L3MBTL4: variants seen among roughly 807,000 people sequenced by gnomAD.
The protein encoded by L3MBTL4 is L3MBTL histone methyl-lysine binding protein 4.
In L3MBTL4, 70 loss-of-function variants were observed where a neutral mutation model predicts 84.5. The observed-to-expected ratio is 0.83, with a 90% confidence interval of 0.68 to 1.01. The LOEUF (loss-of-function observed/expected upper bound fraction) is 1.01. Ranked by LOEUF, L3MBTL4 falls within the 50% of genes least tolerant of loss-of-function variation. L3MBTL4 has a pLI of 0.00. For synonymous variants in L3MBTL4, 274 were observed against 259.8 expected, an observed-to-expected ratio of 1.05 and a Z score of -0.52; for missense variants, 715 against 754.8, an observed-to-expected ratio of 0.95 and a Z score of 0.62.
intron 16 of L3MBTL4, among the ~76,000 whole-genome samples, chr18:5,983,684 T>C (rs892694070): frequency 3.9e-5 from 6 of 152,288 alleles, no homozygotes; most frequent in African/African-American, 1.4e-4. Context: ...AGCACAGGAT[T>C]GAGGAGTGAC....
At chr18:6,085,015 G>C (rs2058213420) in intron 15 of L3MBTL4, among the ~76,000 whole-genome samples, 1 of 152,162 alleles carries the variant, frequency 6.6e-6, no homozygotes. Flanking sequence ...TGTAGGTTTG[G>C]ATATGCGAAT....
intron 12 of L3MBTL4, among the ~76,000 whole-genome samples, chr18:6,206,378 CTG>C (rs966683442): frequency 4.6e-5 from 7 of 152,170 alleles, no homozygotes. Context: ...GCATAGAAAA[CTG>C]TGAAACATTC....
At chr18:6,050,620 G>C (rs1397440351) in intron 16 of L3MBTL4, among the ~76,000 whole-genome samples, 1 of 152,128 alleles carries the variant, frequency 6.6e-6, no homozygotes, top group Non-Finnish European at 1.5e-5. Flanking sequence ...TCTGATGCCA[G>C]TGTGCTCTCA....
At chr18:6,361,370 G>A (rs901197586) in intron 1 of L3MBTL4, among the ~76,000 whole-genome samples, 2 of 152,036 alleles carry the variant, frequency 1.3e-5, no homozygotes, top group East Asian at 1.9e-4. Context: ...TCTCCCCACC[G>A]CCGTCTGCCC....
At chr18:6,067,463 T>A (rs1010645789) in intron 16 of L3MBTL4, among the ~76,000 whole-genome samples, 1 of 152,246 alleles carries the variant, frequency 6.6e-6, no homozygotes, top group Non-Finnish European at 1.5e-5. Flanking sequence ...TTTTACATGA[T>A]CCCATATTTC....
At chr18:6,298,102 C>T (rs1256586786) in intron 4 of L3MBTL4, among the ~76,000 whole-genome samples, 1 of 152,136 alleles carries the variant, frequency 6.6e-6, no homozygotes, top group Admixed American at 6.5e-5. Context: ...TAAATACTGT[C>T]GGTATGTCCT....
intron 16 of L3MBTL4, among the ~76,000 whole-genome samples, chr18:6,074,847 C>T (rs1187865494): frequency 1.3e-5 from 2 of 151,800 alleles, no homozygotes; most frequent in Non-Finnish European, 2.9e-5. Context: ...CTAAAAATTT[C>T]CTTGGAAATT....
chr18:6,303,573 A>G (rs2050437475), intron 3 of L3MBTL4, among the ~76,000 whole-genome samples: 1 of 152,212 alleles, frequency 6.6e-6, no homozygotes, highest in Non-Finnish European at 1.5e-5. Context: ...ATTTATTCTT[A>G]TATAGTTTTG....
Position 6,187,038 on chromosome 18 carries a change from G to C in L3MBTL4, c.982-15096C>G, listed in dbSNP as rs370016472. ...GGTGGAGGGACAGGACGATGCCCAA[G>C]GTCTAGGCTTCAACAATTCTATGCT... is the stretch of plus-strand genomic sequence containing the variant. On this transcript the variant is annotated intron_variant, in intron 12 of 18. Coordinates refer to ENST00000317931, the MANE Select transcript of L3MBTL4 (RefSeq NM_001330559.2). Among the ~76,000 whole-genome samples the C allele has an allele frequency of 2.0e-5, 3 of 152,204 alleles. No individual in the cohort carries two copies. In the East Asian group the frequency reaches 5.8e-4, roughly 29 times the overall value.
chr18:6,340,921 A>C (rs2052577302), intron 1 of L3MBTL4, among the ~76,000 whole-genome samples: 1 of 152,154 alleles, frequency 6.6e-6, no homozygotes, highest in African/African-American at 2.4e-5. Context: ...ACATCAGGTC[A>C]CTGCACTAGG....
At chr18:6,190,823 G>C (rs912431604) in intron 12 of L3MBTL4, among the ~76,000 whole-genome samples, 3 of 152,164 alleles carry the variant, frequency 2.0e-5, no homozygotes, top group Admixed American at 6.6e-5. Context: ...GGAAAAGATA[G>C]GCTTAAAAGA....
At position 6,169,997 on chromosome 18, in the gene L3MBTL4, T is replaced by C. The variant is rs1393013530; in HGVS notation, c.1096+1831A>G. The stretch of plus-strand genomic sequence containing the variant: ...CATTATTTCCTGAGAGAAGATTTAA[T>C]TGAGCACATGCTACGGGGCAGGCAG... On this transcript the variant is annotated intron_variant, in intron 13 of 18. Transcript: ENST00000317931. Among the ~76,000 whole-genome samples the C allele has an allele frequency of 3.9e-5, 6 of 152,292 alleles. No individual in the cohort carries two copies. In the East Asian group the frequency reaches 9.6e-4, roughly 24 times the overall value.
chr18:6,397,492 ATC>A (rs1004822706), intron 1 of L3MBTL4: 10 of 152,190 alleles, frequency 6.6e-5, no homozygotes, highest in Non-Finnish European at 1.0e-4. Flanking sequence ...AAATTGAAAA[ATC>A]TCTATCAAGA....
At chr18:6,044,707 A>C (rs2145745386) in intron 16 of L3MBTL4, among the ~76,000 whole-genome samples, 1 of 152,306 alleles carries the variant, frequency 6.6e-6, no homozygotes, top group East Asian at 1.9e-4. Context: ...AAAAAATATG[A>C]GTCATCTTGG....
intron 16 of L3MBTL4, among the ~76,000 whole-genome samples, chr18:5,997,194 A>G (rs2054013600): frequency 6.6e-6 from 1 of 150,802 alleles, no homozygotes; most frequent in African/African-American, 2.5e-5. Flanking sequence ...TAAGTATGTG[A>G]AAGGAAAATA....
At chr18:6,196,371 A>G (rs781401511) in intron 12 of L3MBTL4, among the ~76,000 whole-genome samples, 2 of 151,958 alleles carry the variant, frequency 1.3e-5, no homozygotes, top group African/African-American at 2.4e-5. Context: ...GTTGGCCAGG[A>G]TGGTCTTGAT....
intron 11 of L3MBTL4, among the ~76,000 whole-genome samples, chr18:6,213,566 C>T (rs1800983204): frequency 6.6e-6 from 1 of 152,160 alleles, no homozygotes; most frequent in Non-Finnish European, 1.5e-5. Flanking sequence ...GCATGCACCA[C>T]CATGCCCAGC....
chr18:6,243,293 C>G lies in L3MBTL4; in HGVS notation c.460+1G>C. Reference sequence around the variant, plus strand: ...CAGTTGGTAAATGTATCCTGGCTTACCCTTAGGGATGTGCAGTTCATGTTT... The same window carrying G: ...CAGTTGGTAAATGTATCCTGGCTTAGCCTTAGGGATGTGCAGTTCATGTTT... On this transcript the variant is annotated splice_donor_variant, in intron 7 of 18. Coordinates refer to ENST00000317931, the MANE Select transcript of L3MBTL4 (RefSeq NM_001330559.2). LOFTEE classifies it high-confidence loss of function. 1 of 1,575,928 alleles carries G rather than the reference C, an allele frequency of 6.3e-7. No homozygotes were observed. Among genetic ancestry groups the G allele is most frequent in the Non-Finnish European group, 8.6e-7 (1 of 1,163,046 alleles).
intron 8 of L3MBTL4, among the ~76,000 whole-genome samples, chr18:6,241,137 C>T (rs542818306): frequency 6.6e-6 from 1 of 152,228 alleles, no homozygotes; most frequent in East Asian, 1.9e-4. Flanking sequence ...TTTAAGTTTT[C>T]CCAACTTTTT....
Sources: gnomAD v4.1 joint callset for allele counts (sites outside exome capture counted in the v4.1 genomes callset) on GRCh38, gnomAD v4.1.1 for gene constraint, MANE v1.5 for transcripts, NCBI Gene and HGNC (gene_info 2026-07-23, HGNC 2026-07-21) for gene names.